The following SLC25A31 variants were observed in gnomAD, a reference collection of about 807,000 sequenced individuals.
SLC25A31 encodes ADP/ATP translocase 4.
SLC25A31 carries 40 observed loss-of-function variants against 36.2 expected under a neutral mutation model. That is an observed-to-expected ratio of 1.10 (90% CI 0.86 to 1.44). The LOEUF is 1.44. Ranked by LOEUF, SLC25A31 falls within the 40% of genes most tolerant of loss-of-function variation. The probability of loss-of-function intolerance (pLI) is 0.00; values close to 1 mark genes in which losing one functional copy is unlikely to be tolerated. For synonymous variants in SLC25A31, 143 were observed against 149.7 expected (o/e 0.96, Z 0.32); for missense variants, 350 against 397.1 (o/e 0.88, Z 1.01).
chr4:127,760,945 G>A (rs1003719386), intron 2 of SLC25A31, among the ~76,000 whole-genome samples: 3 of 152,080 alleles, frequency 2.0e-5, no homozygotes, highest in African/African-American at 7.2e-5. Flanking sequence ...CTGGGCGGGG[G>A]GAAAACACCA....
intron 2 of SLC25A31, among the ~76,000 whole-genome samples, chr4:127,753,425 T>C (rs1461113381): frequency 1.3e-5 from 2 of 152,016 alleles, no homozygotes; most frequent in Non-Finnish European, 2.9e-5. Context: ...AGAAAAACCC[T>C]TGGCTAGGAC....
chr4:127,730,871 C>G, intron 1 of SLC25A31, 94 bp downstream of exon 1: 1 of 1,167,840 alleles, frequency 8.6e-7, no homozygotes. Flanking sequence ...ATTGTGGGCC[C>G]CACAACCACA....
rs79304848 is a variant in SLC25A31 at position 127,768,708 on chromosome 4, T to C, written c.634-44T>C. 1,568 of 1,508,374 alleles carry C rather than the reference T, an allele frequency of 1.0e-3. 18 individuals carry two copies. The African/African-American group carries it at 0.021, about 20-fold the overall frequency. 93.4% of individuals were successfully genotyped at this position (1,508,374 alleles called of 1,614,324 possible). The stretch of plus-strand genomic sequence containing the variant: ...TCCTTTAACTTAAGAATTTAAGATA[T>C]TTTAGAAATTTGGATAGTTACTTGG... On this transcript the variant is annotated intron_variant, in intron 4 of 5. Transcript: ENST00000281154.
At chr4:127,735,269 C>T in intron 1 of SLC25A31, among the ~76,000 whole-genome samples, 1 of 152,128 alleles carries the variant, frequency 6.6e-6, no homozygotes. Flanking sequence ...AAATGAACTT[C>T]ACCCTAACAG....
intron 2 of SLC25A31, among the ~76,000 whole-genome samples, chr4:127,758,388 C>T (rs529335557): frequency 7.2e-4 from 109 of 152,226 alleles, no homozygotes; most frequent in African/African-American, 2.5e-3. Flanking sequence ...GGATATTAAT[C>T]CTTTGTCAGA....
chr4:127,758,760 T>C (rs1053728461), intron 2 of SLC25A31, among the ~76,000 whole-genome samples: 3 of 152,260 alleles, frequency 2.0e-5, no homozygotes, highest in Non-Finnish European at 4.4e-5. Flanking sequence ...TTGTCAACTT[T>C]GTTAAAGATC....
intron 2 of SLC25A31, among the ~76,000 whole-genome samples, chr4:127,757,454 A>C (rs555481772): frequency 4.3e-4 from 65 of 152,336 alleles, no homozygotes; most frequent in Non-Finnish European, 3.8e-4. Context: ...TGTTGCTGCC[A>C]AGGACATTAT....
At chr4:127,767,434 C>CT (rs1732267003) in intron 4 of SLC25A31, among the ~76,000 whole-genome samples, 1 of 152,096 alleles carries the variant, frequency 6.6e-6, no homozygotes, top group Non-Finnish European at 1.5e-5. Context: ...AAGCATGTAT[C>CT]TAAGTTTTTG....
At chr4:127,760,275 TA>T (rs1192608730) in intron 2 of SLC25A31, among the ~76,000 whole-genome samples, 4 of 152,192 alleles carry the variant, frequency 2.6e-5, no homozygotes, top group Non-Finnish European at 5.9e-5. Context: ...AAAAGTTTTT[TA>T]AAAAATGGTA....
chr4:127,738,103 C>G (rs1383283142), intron 1 of SLC25A31, among the ~76,000 whole-genome samples: 2 of 152,100 alleles, frequency 1.3e-5, no homozygotes, highest in Non-Finnish European at 2.9e-5. Flanking sequence ...GGGTCTCACT[C>G]TGTTCCCCAG....
rs1732413839 is a variant in SLC25A31, at chr4:127,773,708, A to AT, written c.*140dup. ...GTGCTAGTTCTGCAATAAAGCATACATTTTTTCAAGAATTTAAATACTAAA... is the reference window on the plus strand; with the variant it reads ...GTGCTAGTTCTGCAATAAAGCATACATTTTTTTCAAGAATTTAAATACTAAA... On this transcript the variant is annotated 3_prime_UTR_variant, in exon 6 of 6. Transcript: ENST00000281154. 1.4e-5 allele frequency: 9 copies of AT among 645,540 alleles called. No homozygotes were observed. The highest frequency in any genetic ancestry group is 9.9e-5 in the East Asian group (3 of 30,454). 40.0% of individuals were successfully genotyped at this position (645,540 alleles called of 1,614,324 possible).
chr4:127,753,884 TC>T (rs1464981775), intron 2 of SLC25A31, among the ~76,000 whole-genome samples: 1 of 152,030 alleles, frequency 6.6e-6, no homozygotes, highest in Non-Finnish European at 1.5e-5. Context: ...CAGGTCAGCG[TC>T]CCTAGTGAAC....
intron 2 of SLC25A31, among the ~76,000 whole-genome samples, chr4:127,760,254 A>T (rs990694728): frequency 6.6e-6 from 1 of 152,246 alleles, no homozygotes; most frequent in African/African-American, 2.4e-5. Context: ...ATCCAAAATT[A>T]TCTCAAAATA....
chr4:127,752,814 C>G (rs763662616), intron 2 of SLC25A31, among the ~76,000 whole-genome samples: 1 of 152,150 alleles, frequency 6.6e-6, no homozygotes, highest in Non-Finnish European at 1.5e-5. Flanking sequence ...GCAATGCATA[C>G]TGCACTTTCA....
chr4:127,748,287 C>T (rs749761233), intron 2 of SLC25A31, among the ~76,000 whole-genome samples: 10 of 152,220 alleles, frequency 6.6e-5, no homozygotes, highest in Non-Finnish European at 1.0e-4. Flanking sequence ...CTGCCCTTCT[C>T]ATTTGCAGCC....
intron 1 of SLC25A31, among the ~76,000 whole-genome samples, chr4:127,739,885 A>C (rs1018890809): frequency 3.3e-5 from 5 of 151,830 alleles, no homozygotes; most frequent in South Asian, 4.1e-4. Flanking sequence ...TTTTAATTGT[A>C]TTTTGAAATT....
intron 3 of SLC25A31, among the ~76,000 whole-genome samples, chr4:127,765,202 G>A (rs1221808967): frequency 6.6e-6 from 1 of 152,168 alleles, no homozygotes; most frequent in African/African-American, 2.4e-5. Context: ...TGAGGTTGTG[G>A]ATATTGAGCA....
intron 5 of SLC25A31, among the ~76,000 whole-genome samples, chr4:127,771,099 G>A (rs904579183): frequency 3.5e-4 from 53 of 151,802 alleles, no homozygotes; most frequent in African/African-American, 1.2e-3. Flanking sequence ...TGAGATTACA[G>A]GCACACGCTG....
Position 127,730,470 on chromosome 4 carries a change from G to A in SLC25A31, c.-76G>A. On this transcript the variant is annotated 5_prime_UTR_variant, in exon 1 of 6. Transcript: ENST00000281154. ...AGTACGATGCTGCAGCGGTTTTCCG[G>A]TTTTCCGCTTCCCTTCATCGTAGCT... 2 of 1,480,212 alleles carry A rather than the reference G, an allele frequency of 1.4e-6. No homozygotes were observed. The highest frequency in any genetic ancestry group is 9.3e-7 in the Non-Finnish European group (1 of 1,076,262). The allele number at this position is 1,480,212 out of a possible 1,614,324, so 91.7% of individuals were successfully genotyped here. A position where few individuals can be genotyped will look rare whatever the true frequency, so the allele number is the denominator to read the frequency against.
Sources: gnomAD v4.1 joint callset for allele counts (sites outside exome capture counted in the v4.1 genomes callset) on GRCh38, gnomAD v4.1.1 for gene constraint, MANE v1.5 for transcripts, NCBI Gene and HGNC (gene_info 2026-07-23, HGNC 2026-07-21) for gene names.